Variants in PLA2R1 observed in about 807,000 individuals in gnomAD.
PLA2R1 encodes phospholipase A2 receptor 1, also known as secretory phospholipase A2 receptor.
In PLA2R1, 158 loss-of-function variants were observed where a neutral mutation model predicts 195.9. The observed-to-expected ratio is 0.81, with a 90% CI of 0.71 to 0.92. The LOEUF (loss-of-function observed/expected upper bound fraction) is 0.92, where lower values mean the gene tolerates loss of function less well. PLA2R1 is among the 40% of genes least tolerant of loss of function. PLA2R1 has a pLI of 0.00. For missense variants in PLA2R1, 1,626 were observed against 1,764.6 expected (o/e 0.92, Z 1.41); for synonymous variants, 586 against 598.2 (o/e 0.98, Z 0.30).
chr2:159,957,069 A>G (rs527272660), intron 20 of PLA2R1, among the ~76,000 whole-genome samples: 2 of 152,326 alleles, frequency 1.3e-5, no homozygotes, highest in East Asian at 3.9e-4. Flanking sequence ...TGAGAGAGAA[A>G]TAATGGGGAG....
Position 160,032,973 on chromosome 2 carries a change from T to C in PLA2R1, c.827A>G (p.Glu276Gly). The C allele has an allele frequency of 1.9e-6, 3 of 1,610,746 alleles. No individual in the cohort carries two copies. Among genetic ancestry groups the C allele is most frequent in the Non-Finnish European group, 2.5e-6 (3 of 1,177,862 alleles). Residue 276 changes from glutamate (E) to glycine (G), a missense_variant, in exon 4 of 30, where the codon GAA (glutamate) becomes GGA (glycine). Physicochemically the swap from Glu to Gly is moderately conservative, Grantham distance 98. Coordinates refer to ENST00000283243, the MANE Select transcript of PLA2R1 (RefSeq NM_007366.5). ...CACCTACTTACCCCTTATGAAATTT[T>C]CTTCAGTTTCATCTGTAATACTTAA... The part of the protein sequence containing the change: ...TLLSITDETE[E>G]NFIREHMSSK...
intron 2 of PLA2R1, among the ~76,000 whole-genome samples, chr2:160,043,887 A>G (rs893643724): frequency 6.6e-6 from 1 of 152,178 alleles, no homozygotes; most frequent in Non-Finnish European, 1.5e-5. Context: ...TCTTAGGAGC[A>G]TATGCTCTTG....
At chr2:159,927,998 T>G (rs1214975899), downstream of PLA2R1, among the ~76,000 whole-genome samples, 1 of 152,200 alleles carries the variant, frequency 6.6e-6, no homozygotes, top group Non-Finnish European at 1.5e-5. Flanking sequence ...ATAAGAGAGA[T>G]GAGAGCTGGT....
At position 159,967,639 on chromosome 2, in the gene PLA2R1, C is replaced by T. The variant is rs1317984396; in HGVS notation, c.2804G>A (p.Ser935Asn). ...CCAAACCTTTTTTCGCTTACAGATA[C>T]TAGGCATAGAAACTGAACACTCTTC... The part of the protein sequence containing the change: ...GSEECSVSMP[S>N]ICKRKKVWLI... Residue 935 changes from serine (S) to asparagine (N), a missense_variant, in exon 20 of 30, where the codon AGT (serine) becomes AAT (asparagine). By Grantham distance (46) the Ser-to-Asn change is conservative (BLOSUM62 1). Transcript: ENST00000283243. The T allele has an allele frequency of 1.2e-6, 2 of 1,613,672 alleles. No homozygotes were observed. The highest frequency in any genetic ancestry group is 1.7e-6 in the Non-Finnish European group (2 of 1,179,658).
At chr2:159,979,306 G>A (rs894240749) in intron 14 of PLA2R1, among the ~76,000 whole-genome samples, 1 of 152,192 alleles carries the variant, frequency 6.6e-6, no homozygotes, top group African/African-American at 2.4e-5. Context: ...AGGTTTGCAA[G>A]TATGGGAATG....
chr2:159,948,746 A>T (rs2125925904), intron 25 of PLA2R1, among the ~76,000 whole-genome samples: 1 of 152,122 alleles, frequency 6.6e-6, no homozygotes, highest in Non-Finnish European at 1.5e-5. Context: ...ATTTACATTT[A>T]ATCCTGAATT....
At chr2:159,947,288 T>G in intron 26 of PLA2R1, 131 bp downstream of exon 26, 2 of 740,828 alleles carry the variant, frequency 2.7e-6, no homozygotes, top group East Asian at 5.6e-5. Context: ...TAGTATTTAT[T>G]TTTTCAATAG....
chr2:160,044,516 A>G (rs1353285693), intron 2 of PLA2R1, among the ~76,000 whole-genome samples: 1 of 151,984 alleles, frequency 6.6e-6, no homozygotes, highest in African/African-American at 2.4e-5. Flanking sequence ...TGATTCCCAG[A>G]GTCAGTTAAA....
the PLA2R1 span, among the ~76,000 whole-genome samples, chr2:159,925,413 T>A: frequency 2.0e-5 from 3 of 152,194 alleles, no homozygotes. Context: ...CTCTTATGTA[T>A]AAATAATCTT....
intron 11 of PLA2R1, among the ~76,000 whole-genome samples, chr2:160,000,892 A>T (rs1489839433): frequency 2.6e-5 from 4 of 152,222 alleles, no homozygotes; most frequent in South Asian, 2.1e-4. Context: ...AAAATATTTT[A>T]AAAATATTAA....
At chr2:160,013,693 CTCT>C (rs1558926837) in intron 9 of PLA2R1, among the ~76,000 whole-genome samples, 2 of 140,656 alleles carry the variant, frequency 1.4e-5, no homozygotes, top group Admixed American at 7.2e-5. Context: ...CTCTCTCTCT[CTCT>C]CTCTCTGTCT....
intron 26 of PLA2R1, 117 bp from the exon 27 acceptor site, chr2:159,947,034 T>C: frequency 1.5e-6 from 1 of 686,172 alleles, no homozygotes; most frequent in Non-Finnish European, 2.4e-6. Context: ...AAATTTCCAT[T>C]ATAAAGAAGA....
In PLA2R1 at chr2:159,977,407, A is replaced by C. The variant is rs1296108208; in HGVS notation, c.2278T>G (p.Ser760Ala). Residue 760 changes from serine (S) to alanine (A), a missense_variant, in exon 15 of 30, where the codon TCG becomes GCG. Coordinates refer to ENST00000283243, the MANE Select transcript of PLA2R1 (RefSeq NM_007366.5). ...EWSDRTPVVS[S>A]FLDNTYFGED... ...CCAAAATAAGTGTTGTCTAAAAACG[A>C]AGAGACAACCTGCAGCAGATGAAGT... 2 of 1,612,992 alleles carry C rather than the reference A, an allele frequency of 1.2e-6. No individual in the cohort carries two copies. Among genetic ancestry groups the C allele is most frequent in the Middle Eastern group, 3.3e-4 (2 of 6,074 alleles).
chr2:159,967,747 T>C, intron 19 of PLA2R1, 69 bp from the exon 20 acceptor site: 1 of 1,338,398 alleles, frequency 7.5e-7, no homozygotes, highest in Non-Finnish European at 1.0e-6. Context: ...TCTCTATTGA[T>C]CACTATTTTT....
intron 7 of PLA2R1, among the ~76,000 whole-genome samples, chr2:160,022,305 G>C (rs1396692519): frequency 1.3e-5 from 2 of 151,544 alleles, no homozygotes; most frequent in Non-Finnish European, 2.9e-5. Flanking sequence ...TTGCCTAAGG[G>C]GTTCCCTTTA....
At chr2:159,981,428 CAG>C (rs563039649) in intron 13 of PLA2R1, among the ~76,000 whole-genome samples, 188 of 151,892 alleles carry the variant, frequency 1.2e-3, no homozygotes, top group African/African-American at 4.3e-3. Flanking sequence ...TTTTTTGAGA[CAG>C]GGTCACACTG....
rs1686880432 is a variant in PLA2R1 at position 159,937,320 on chromosome 2, A to C, written c.*4458T>G. The C allele has an allele frequency of 6.6e-6, 1 of 152,212 alleles. No homozygotes were observed. The highest frequency in any genetic ancestry group is 1.5e-5 in the Non-Finnish European group (1 of 68,040). The allele number at this position is 152,212 out of a possible 1,614,324, so 9.4% of individuals were successfully genotyped here. On this transcript the variant is annotated 3_prime_UTR_variant, in exon 30 of 30. Transcript: ENST00000283243. Reference sequence around the variant, plus strand: ...AATATCACTTCATTATAGTTCAGTCAATACTATTTTTCTATTAAAATGCCT... The same window carrying C: ...AATATCACTTCATTATAGTTCAGTCCATACTATTTTTCTATTAAAATGCCT...
At chr2:159,982,904 A>C (rs1479190102) in intron 13 of PLA2R1, among the ~76,000 whole-genome samples, 1 of 152,196 alleles carries the variant, frequency 6.6e-6, no homozygotes, top group African/African-American at 2.4e-5. Context: ...TGATGATCAC[A>C]ACATCCTCAG....
At chr2:159,954,259 A>G (rs1294833309) in intron 23 of PLA2R1, among the ~76,000 whole-genome samples, 1 of 151,592 alleles carries the variant, frequency 6.6e-6, no homozygotes, top group Admixed American at 6.6e-5. Flanking sequence ...AGGGTCAGGT[A>G]CTCATAAGTG....
Sources: allele counts gnomAD v4.1 joint callset (sites outside exome capture counted in the v4.1 genomes callset), GRCh38; gene constraint gnomAD v4.1.1; transcripts MANE v1.5; gene names NCBI Gene and HGNC (gene_info 2026-07-23, HGNC 2026-07-21).